The following TNRC6B variants were observed in gnomAD, a reference collection of about 807,000 sequenced individuals.
TNRC6B encodes trinucleotide repeat containing adaptor 6B.
In TNRC6B, 52 loss-of-function variants were observed where a neutral mutation model predicts 203.6. The ratio of observed to expected loss-of-function variants is 0.26; its 90% CI spans 0.20 to 0.32. The LOEUF is 0.32. TNRC6B is among the 10% of genes least tolerant of loss of function. TNRC6B has a pLI of 1.00. For synonymous variants in TNRC6B, 838 were observed against 845.7 expected, an observed-to-expected ratio of 0.99 and a Z score of 0.16; for missense variants, 1,923 against 2,286.2, an observed-to-expected ratio of 0.84 and a Z score of 3.24.
chr22:40,254,909 C>G (rs1210467581), intron 3 of TNRC6B, among the ~76,000 whole-genome samples: 2 of 152,060 alleles, frequency 1.3e-5, no homozygotes, highest in Non-Finnish European at 1.5e-5. Flanking sequence ...AACAAACAAA[C>G]CTGCATTAAT....
intron 1 of TNRC6B, among the ~76,000 whole-genome samples, chr22:40,071,308 T>A (rs182433440): frequency 3.3e-4 from 51 of 152,248 alleles, no homozygotes; most frequent in Admixed American, 2.9e-3. Context: ...GTTCCCCTCT[T>A]CTCCTCTCTC....
chr22:40,096,548 C>T (rs760796335), intron 1 of TNRC6B, among the ~76,000 whole-genome samples: 4 of 152,182 alleles, frequency 2.6e-5, no homozygotes, highest in South Asian at 2.1e-4. Flanking sequence ...TCCAGCTACT[C>T]AGTGTGCATC....
At chr22:40,111,955 GC>G (rs1342068449) in intron 1 of TNRC6B, among the ~76,000 whole-genome samples, 1 of 152,190 alleles carries the variant, frequency 6.6e-6, no homozygotes. Context: ...ACAAAAATTA[GC>G]TGAGTGCGGT....
Position 40,322,850 on chromosome 22 carries a change from C to A in TNRC6B, c.5115-4C>A, listed in dbSNP as rs756869196. 1 of 1,613,776 alleles carries A rather than the reference C, an allele frequency of 6.2e-7. No individual in the cohort carries two copies. The highest frequency in any genetic ancestry group is 1.1e-5 in the South Asian group (1 of 91,082). Reference sequence around the variant, plus strand: ...CATAGCTCTCTTTCCCTCCCTTCTTCCAGGTGTGTGTTGGGAAACACTACC... The same window carrying A: ...CATAGCTCTCTTTCCCTCCCTTCTTACAGGTGTGTGTTGGGAAACACTACC... On this transcript the variant is annotated splice_region_variant and splice_polypyrimidine_tract_variant and intron_variant, in intron 22 of 22. Coordinates refer to ENST00000454349, the MANE Select transcript of TNRC6B (RefSeq NM_001162501.2).
In TNRC6B at chr22:40,225,781, A is replaced by G. The variant is rs2069777366; in HGVS notation, c.6-20234A>G. Among the ~76,000 whole-genome samples, 4 of 150,960 alleles carry G rather than the reference A, an allele frequency of 2.6e-5. No individual in the cohort carries two copies. The South Asian group carries it at 8.4e-4, about 32-fold the overall frequency. ...AAAAAAAAAAAAGAAGGAGAAGAAC[A>G]TAGTTGGGATAGCTGTTACTCAGAT... On this transcript the variant is annotated intron_variant, in intron 1 of 22. Coordinates refer to ENST00000454349, the MANE Select transcript of TNRC6B (RefSeq NM_001162501.2).
At chr22:40,045,188 G>C (rs2067676446) in intron 1 of TNRC6B, among the ~76,000 whole-genome samples, 1 of 145,232 alleles carries the variant, frequency 6.9e-6, no homozygotes, top group Non-Finnish European at 1.5e-5. Flanking sequence ...GCCGGGGAGG[G>C]GGCGTGAGCG....
At chr22:40,061,552 G>A (rs2067852712) in intron 1 of TNRC6B, among the ~76,000 whole-genome samples, 1 of 151,908 alleles carries the variant, frequency 6.6e-6, no homozygotes, top group Non-Finnish European at 1.5e-5. Flanking sequence ...ATGTCAATTA[G>A]GTCCAGATGG....
At chr22:40,123,406 G>A (rs2068461694) in intron 2 of TNRC6B, among the ~76,000 whole-genome samples, 1 of 152,216 alleles carries the variant, frequency 6.6e-6, no homozygotes, top group African/African-American at 2.4e-5. Context: ...AAGGATGAAA[G>A]TAAAAAGATT....
intron 1 of TNRC6B, among the ~76,000 whole-genome samples, chr22:40,089,321 C>T (rs1246864025): frequency 2.0e-5 from 3 of 152,124 alleles, no homozygotes; most frequent in African/African-American, 7.2e-5. Context: ...CAACCTCCGC[C>T]TCCCGTGTTC....
chr22:40,050,450 G>C (rs535361742), intron 1 of TNRC6B, among the ~76,000 whole-genome samples: 1 of 152,156 alleles, frequency 6.6e-6, no homozygotes, highest in African/African-American at 2.4e-5. Flanking sequence ...CGGCCTTAAG[G>C]CTTTTGTTTT....
At chr22:40,216,686 T>C (rs1193255859) in intron 1 of TNRC6B, among the ~76,000 whole-genome samples, 1 of 152,180 alleles carries the variant, frequency 6.6e-6, no homozygotes, top group Non-Finnish European at 1.5e-5. Context: ...AGAAAGTCTC[T>C]CTTGCTGTGC....
At chr22:40,322,721 TA>T in intron 22 of TNRC6B, 132 bp from the exon 23 acceptor site, 3 of 1,088,876 alleles carry the variant, frequency 2.8e-6, no homozygotes, top group Non-Finnish European at 3.9e-6. Flanking sequence ...CTTTGCATTC[TA>T]AAAAGCGTTC....
At chr22:40,147,597 G>A (rs972203170) in intron 3 of TNRC6B, among the ~76,000 whole-genome samples, 2 of 152,196 alleles carry the variant, frequency 1.3e-5, no homozygotes, top group African/African-American at 2.4e-5. Flanking sequence ...GGCAAAAAGC[G>A]ACAGTGCGTC....
At chr22:40,249,639 A>G (rs537253971) in intron 2 of TNRC6B, among the ~76,000 whole-genome samples, 2 of 152,330 alleles carry the variant, frequency 1.3e-5, no homozygotes, top group South Asian at 4.1e-4. Flanking sequence ...TGTTGCTTAC[A>G]ATGGGAAGGC....
Position 40,266,767 on chromosome 22 carries a change from C to G in TNRC6B, c.2537C>G (p.Pro846Arg). The change falls in exon 5 of 23, where the codon CCA (proline) becomes CGA (arginine). Residue 846 changes from proline (P) to arginine (R), a missense_variant. Pro to Arg is a moderately radical substitution (Grantham distance 103). Coordinates refer to ENST00000454349, the MANE Select transcript of TNRC6B (RefSeq NM_001162501.2). Reference protein sequence around the residue: ...ASGSWGGPPPPPPGNVRPSNS... With the variant: ...ASGSWGGPPPRPPGNVRPSNS... ...GGTTCGTGGGGAGGCCCACCCCCAC[C>G]ACCTCCAGGCAACGTTCGACCTTCC... 1 of 1,613,456 alleles carries G rather than the reference C, an allele frequency of 6.2e-7. No homozygotes were observed. Among genetic ancestry groups the G allele is most frequent in the Non-Finnish European group, 8.5e-7 (1 of 1,179,622 alleles).
chr22:40,173,793 ATTTTT>A (rs1160322782), upstream of TNRC6B, among the ~76,000 whole-genome samples: 54 of 64,850 alleles, frequency 8.3e-4, no homozygotes, highest in African/African-American at 2.8e-3. Flanking sequence ...ATATATATAT[ATTTTT>A]TTTTTTTTTT....
intron 1 of TNRC6B, among the ~76,000 whole-genome samples, chr22:40,054,010 A>T (rs986901147): frequency 2.6e-5 from 4 of 152,180 alleles, no homozygotes; most frequent in African/African-American, 7.2e-5. Flanking sequence ...TGAGCTCAGG[A>T]GGTCAAGACC....
At chr22:40,102,633 A>G (rs2068249495) in intron 1 of TNRC6B, among the ~76,000 whole-genome samples, 1 of 152,192 alleles carries the variant, frequency 6.6e-6, no homozygotes, top group Non-Finnish European at 1.5e-5. Flanking sequence ...CAGTTTAGAT[A>G]TACAATTAAA....
chr22:40,197,676 T>G (rs1236102975), intron 1 of TNRC6B, among the ~76,000 whole-genome samples: 10 of 151,222 alleles, frequency 6.6e-5, no homozygotes, highest in Non-Finnish European at 5.9e-5. Flanking sequence ...GATTCATAGT[T>G]CAGTGCAGCC....
Sources: gnomAD v4.1 joint callset for allele counts (sites outside exome capture counted in the v4.1 genomes callset) on GRCh38, gnomAD v4.1.1 for gene constraint, MANE v1.5 for transcripts, NCBI Gene and HGNC (gene_info 2026-07-23, HGNC 2026-07-21) for gene names.